ZNF385D: variants seen among roughly 807,000 people sequenced by gnomAD.
ZNF385D encodes zinc finger protein 385D.
In ZNF385D, 15 loss-of-function variants were observed where a neutral mutation model predicts 35.8. That is an observed-to-expected ratio of 0.42 (90% confidence interval 0.28 to 0.64). ZNF385D has a LOEUF of 0.64. Among genes scored for constraint, ZNF385D ranks in the 30% least tolerant of loss-of-function variants. ZNF385D has a pLI of 0.23. For missense variants in ZNF385D, 474 were observed against 494.6 expected (o/e 0.96, Z 0.39); for synonymous variants, 212 against 186.8 (o/e 1.13, Z -1.10).
At chr3:22,220,812 C>T (rs1481181302) in intron 2 of ZNF385D, among the ~76,000 whole-genome samples, 1 of 152,244 alleles carries the variant, frequency 6.6e-6, no homozygotes, top group Middle Eastern at 3.4e-3. Context: ...TTCTACTGTG[C>T]TACTATAGCT....
At chr3:21,774,834 T>C (rs1032357384) in intron 3 of ZNF385D, among the ~76,000 whole-genome samples, 10 of 151,860 alleles carry the variant, frequency 6.6e-5, no homozygotes, top group African/African-American at 2.4e-4. Flanking sequence ...AATTTGGATA[T>C]GATGTTTATA....
chr3:22,172,532 C>T (rs1349960705), intron 2 of ZNF385D, among the ~76,000 whole-genome samples: 1 of 152,152 alleles, frequency 6.6e-6, no homozygotes, highest in Non-Finnish European at 1.5e-5. Context: ...GCCAAAGGAC[C>T]AGCTGTTGGT....
intron 1 of ZNF385D, among the ~76,000 whole-genome samples, chr3:21,724,777 G>T (rs189724973): frequency 6.6e-6 from 1 of 152,030 alleles, no homozygotes; most frequent in African/African-American, 2.4e-5. Flanking sequence ...AGATCAACAA[G>T]ACAGAAAGTT....
intron 2 of ZNF385D, among the ~76,000 whole-genome samples, chr3:22,302,152 G>A (rs1702936013): frequency 1.3e-5 from 2 of 152,018 alleles, no homozygotes; most frequent in East Asian, 1.9e-4. Flanking sequence ...CCAGAATGCA[G>A]GGATGCAGAT....
chr3:22,105,706 T>C (rs1353643039), intron 3 of ZNF385D, among the ~76,000 whole-genome samples: 1 of 152,042 alleles, frequency 6.6e-6, no homozygotes. Context: ...CTCCACCTTT[T>C]TGTTCTATTA....
chr3:21,726,345 A>C (rs1253545964), intron 1 of ZNF385D, among the ~76,000 whole-genome samples: 1 of 152,188 alleles, frequency 6.6e-6, no homozygotes, highest in Non-Finnish European at 1.5e-5. Flanking sequence ...AGGCAGGAGA[A>C]AGAAATAAAG....
intron 3 of ZNF385D, among the ~76,000 whole-genome samples, chr3:21,933,240 C>T (rs1406147016): frequency 6.6e-6 from 1 of 152,208 alleles, no homozygotes; most frequent in African/African-American, 2.4e-5. Context: ...TCCCTCCACA[C>T]CTGAATCTTC....
rs55844797 is a variant in ZNF385D, at chr3:22,157,789, C to T, written c.325+11028G>A. Reference sequence around the variant, plus strand: ...CCTCTCAGGGTTGGAAAATTGGAAACGAGTAGAAAATATGACTTGTTCATA... The same window carrying T: ...CCTCTCAGGGTTGGAAAATTGGAAATGAGTAGAAAATATGACTTGTTCATA... On this transcript the variant is annotated intron_variant, in intron 3 of 5. Coordinates refer to the ZNF385D transcript ENST00000494108. Among the ~76,000 whole-genome samples, 5 of 151,876 alleles carry T rather than the reference C, an allele frequency of 3.3e-5. No individual in the cohort carries two copies. The East Asian group carries it at 5.8e-4, about 18-fold the overall frequency.
chr3:21,857,688 T>A lies in ZNF385D; in HGVS notation c.326-192660A>T, dbSNP rs116433018. ...ACCAGAGGAGCCAGGGAATGGGGTT[T>A]ATACCCTGAAGTCTGTTGCCTCCTG... On this transcript the variant is annotated intron_variant, in intron 3 of 5. Transcript: ENST00000494108. 5.5e-3 allele frequency among the ~76,000 whole-genome samples: 831 copies of A among 152,034 alleles called. 8 individuals are homozygous for A. The highest frequency in any genetic ancestry group is 0.019 in the African/African-American group (802 of 41,504).
intron 3 of ZNF385D, among the ~76,000 whole-genome samples, chr3:22,129,186 C>A (rs1308348443): frequency 2.6e-5 from 4 of 152,126 alleles, no homozygotes; most frequent in African/African-American, 9.7e-5. Flanking sequence ...CCCAAACAAA[C>A]AGAGTCTCTC....
chr3:21,999,779 A>AT (rs1553716638), intron 3 of ZNF385D, among the ~76,000 whole-genome samples: 1,235 of 96,256 alleles, frequency 0.013, 31 homozygotes, highest in African/African-American at 0.048. Context: ...GCAAAAAAAA[A>AT]AAAAATAATA....
intron 2 of ZNF385D, among the ~76,000 whole-genome samples, chr3:22,344,315 C>T (rs1394608423): frequency 1.3e-5 from 2 of 152,016 alleles, no homozygotes; most frequent in African/African-American, 4.8e-5. Flanking sequence ...TTACTAATTC[C>T]TCAGAGCTTC....
chr3:21,867,773 T>C (rs1356194448), intron 3 of ZNF385D, among the ~76,000 whole-genome samples: 1 of 152,026 alleles, frequency 6.6e-6, no homozygotes, highest in Non-Finnish European at 1.5e-5. Flanking sequence ...CCAGTCTTTT[T>C]AGTCAGTTTT....
intron 1 of ZNF385D, among the ~76,000 whole-genome samples, chr3:21,746,035 A>G (rs1427046408): frequency 1.3e-5 from 2 of 152,230 alleles, no homozygotes; most frequent in African/African-American, 4.8e-5. Context: ...TATATATAAC[A>G]AGGAACTATT....
chr3:21,812,711 G>T (rs150672445), intron 3 of ZNF385D, among the ~76,000 whole-genome samples: 1 of 152,186 alleles, frequency 6.6e-6, no homozygotes, highest in Non-Finnish European at 1.5e-5. Context: ...CTCGAACTGC[G>T]TGGAGCCCAC....
At chr3:22,136,860 A>C (rs1270391217) in intron 3 of ZNF385D, among the ~76,000 whole-genome samples, 2 of 152,188 alleles carry the variant, frequency 1.3e-5, no homozygotes, top group African/African-American at 4.8e-5. Flanking sequence ...TAGAATTCCA[A>C]CTATGTGACA....
At chr3:22,185,378 CAATTTT>C (rs1331408939) in intron 2 of ZNF385D, among the ~76,000 whole-genome samples, 1 of 152,192 alleles carries the variant, frequency 6.6e-6, no homozygotes, top group Non-Finnish European at 1.5e-5. Context: ...AGCTAAACTA[CAATTTT>C]ATGCGCAAAA....
At chr3:22,086,299 A>G (rs1288284037) in intron 3 of ZNF385D, among the ~76,000 whole-genome samples, 1 of 152,214 alleles carries the variant, frequency 6.6e-6, no homozygotes, top group African/African-American at 2.4e-5. Flanking sequence ...TATATTTAGA[A>G]AACCTCATAG....
At chr3:21,618,242 T>A (rs1406751943) in intron 2 of ZNF385D, among the ~76,000 whole-genome samples, 1 of 151,838 alleles carries the variant, frequency 6.6e-6, no homozygotes, top group Non-Finnish European at 1.5e-5. Context: ...ACTTAGAAGA[T>A]AGAGGCAGAG....
Sources: allele counts gnomAD v4.1 joint callset (sites outside exome capture counted in the v4.1 genomes callset), GRCh38; gene constraint gnomAD v4.1.1; transcripts MANE v1.5; gene names NCBI Gene and HGNC (gene_info 2026-07-23, HGNC 2026-07-21).